CNTN5: variants seen among roughly 807,000 people sequenced by gnomAD.
CNTN5 encodes the protein contactin-5.
Under a neutral mutation model 129.1 loss-of-function variants are expected in CNTN5, and 77 were observed. The observed-to-expected ratio is 0.60, with a 90% CI of 0.50 to 0.72. The LOEUF (loss-of-function observed/expected upper bound fraction) is 0.72. CNTN5 is among the 30% of genes least tolerant of loss of function. CNTN5 has a pLI of 0.00. For missense variants in CNTN5, 1,478 were observed against 1,328.8 expected (o/e 1.11, Z -1.75); for synonymous variants, 509 against 465.6 (o/e 1.09, Z -1.20).
intron 10 of CNTN5, among the ~76,000 whole-genome samples, chr11:100,067,552 T>G (rs1054253520): frequency 3.3e-5 from 5 of 152,024 alleles, no homozygotes; most frequent in African/African-American, 4.8e-5. Flanking sequence ...ACAACATAGT[T>G]TGGTACAAAA....
chr11:99,854,403 A>G (rs1341716839), intron 6 of CNTN5, among the ~76,000 whole-genome samples: 1 of 152,194 alleles, frequency 6.6e-6, no homozygotes, highest in East Asian at 1.9e-4. Flanking sequence ...ATATGTATCC[A>G]GAGAACTCTG....
chr11:100,254,930 A>T (rs1950036659), intron 16 of CNTN5, among the ~76,000 whole-genome samples: 1 of 152,224 alleles, frequency 6.6e-6, no homozygotes, highest in African/African-American at 2.4e-5. Context: ...ATACCTGTGC[A>T]TTTTTAAAAT....
rs1453791140 is a variant in CNTN5 at position 99,234,179 on chromosome 11, G to T, written c.-209-91167G>T. 2.6e-5 allele frequency among the ~76,000 whole-genome samples: 4 copies of T among 152,192 alleles called. No homozygotes were observed. The East Asian group carries it at 7.7e-4, about 29-fold the overall frequency. ...ACTTTGAGATATTCTTTTTCATGTA[G>T]ATTTACAAATAAAAATTGCCAATAT... is the stretch of plus-strand genomic sequence containing the variant. On this transcript the variant is annotated intron_variant, in intron 1 of 24. Transcript: ENST00000524871.
chr11:99,375,681 G>C (rs948786813), intron 2 of CNTN5, among the ~76,000 whole-genome samples: 1 of 152,116 alleles, frequency 6.6e-6, no homozygotes, highest in South Asian at 2.1e-4. Context: ...ATTTGGGGTT[G>C]GCTTTTGTCT....
At chr11:99,620,497 T>C (rs1177970795) in intron 3 of CNTN5, among the ~76,000 whole-genome samples, 2 of 120,806 alleles carry the variant, frequency 1.7e-5, no homozygotes, top group African/African-American at 2.8e-5. Context: ...TTAAAACTCT[T>C]TTTTTCTTTT....
intron 3 of CNTN5, among the ~76,000 whole-genome samples, chr11:99,705,730 CAG>C (rs1338679031): frequency 2.0e-5 from 3 of 151,372 alleles, no homozygotes; most frequent in Non-Finnish European, 4.4e-5. Flanking sequence ...AGCAGGAAAA[CAG>C]AATGCAGAAA....
At chr11:100,147,428 G>A (rs189565513) in intron 13 of CNTN5, among the ~76,000 whole-genome samples, 76 of 152,020 alleles carry the variant, frequency 5.0e-4, no homozygotes, top group African/African-American at 1.8e-3. Flanking sequence ...CATGTCTCAT[G>A]GTATCTTGCC....
At chr11:99,111,150 A>G (rs533296164) in intron 1 of CNTN5, among the ~76,000 whole-genome samples, 1 of 152,150 alleles carries the variant, frequency 6.6e-6, no homozygotes, top group Non-Finnish European at 1.5e-5. Flanking sequence ...TATTATCAAT[A>G]ATTTCAATAT....
chr11:99,509,977 G>A (rs1264828911), intron 2 of CNTN5, among the ~76,000 whole-genome samples: 11 of 151,054 alleles, frequency 7.3e-5, no homozygotes, highest in East Asian at 3.9e-4. Flanking sequence ...TACAAATGTC[G>A]CTTAATCTCT....
chr11:99,841,722 G>A (rs1947499231), intron 4 of CNTN5, among the ~76,000 whole-genome samples: 2 of 150,018 alleles, frequency 1.3e-5, no homozygotes, highest in Non-Finnish European at 3.0e-5. Context: ...AATAGTCATG[G>A]TAGTAGTAAG....
chr11:99,408,585 C>T lies in CNTN5; in HGVS notation c.-71+83101C>T, dbSNP rs368559677. On this transcript the variant is annotated intron_variant, in intron 2 of 24. Coordinates refer to ENST00000524871, the MANE Select transcript of CNTN5 (RefSeq NM_014361.4). ...CTGACCGCAAGGCATCCTCCTGCCT[C>T]GGCCTCCCAAAGTGCTGAGATTAAT... Among the ~76,000 whole-genome samples the T allele has an allele frequency of 2.0e-4, 31 of 152,198 alleles. 2 individuals carry two copies. In the East Asian group the frequency reaches 5.6e-3, roughly 28 times the overall value.
At chr11:99,402,387 T>A (rs1298925535) in intron 2 of CNTN5, among the ~76,000 whole-genome samples, 1 of 152,202 alleles carries the variant, frequency 6.6e-6, no homozygotes, top group East Asian at 1.9e-4. Context: ...AATTTGCATA[T>A]GTTGAACTAT....
intron 1 of CNTN5, among the ~76,000 whole-genome samples, chr11:99,256,247 A>G (rs886235980): frequency 5.3e-5 from 8 of 152,106 alleles, no homozygotes; most frequent in African/African-American, 1.9e-4. Context: ...CTGGACATCT[A>G]GACCCTTTAT....
chr11:100,300,491 T>G (rs1305011080), intron 20 of CNTN5, among the ~76,000 whole-genome samples: 1 of 151,520 alleles, frequency 6.6e-6, no homozygotes, highest in East Asian at 1.9e-4. Flanking sequence ...CCCTTATACT[T>G]CCTCTGTGCC....
intron 9 of CNTN5, among the ~76,000 whole-genome samples, chr11:100,038,664 C>T (rs1044719213): frequency 6.6e-6 from 1 of 151,944 alleles, no homozygotes; most frequent in Non-Finnish European, 1.5e-5. Flanking sequence ...GTATTGGGTG[C>T]ATATATATTT....
At position 99,645,102 on chromosome 11, in the gene CNTN5, T is replaced by TAAAAGA. The variant is rs140819611; in HGVS notation, c.55+88833_55+88834insAAAAGA. Among the ~76,000 whole-genome samples the TAAAAGA allele has an allele frequency of 1.2e-3, 176 of 143,216 alleles. 4 individuals carry two copies. Among genetic ancestry groups the TAAAAGA allele is most frequent in the Non-Finnish European group, 1.7e-3 (112 of 65,596 alleles). The allele number at this position is 143,216 out of a possible 152,430, so 94.0% of individuals were successfully genotyped here. On this transcript the variant is annotated intron_variant, in intron 3 of 24. Transcript: ENST00000524871. ...AATATGGTGAAACTCCGTCTCTACTTTAAAAAAAAAAGCCAGGCGTGATGC... is the reference window on the plus strand; with the variant it reads ...AATATGGTGAAACTCCGTCTCTACTTAAAAGATAAAAAAAAAAGCCAGGCGTGATGC...
At chr11:99,237,437 C>T (rs146907965) in intron 1 of CNTN5, among the ~76,000 whole-genome samples, 1 of 152,256 alleles carries the variant, frequency 6.6e-6, no homozygotes, top group African/African-American at 2.4e-5. Context: ...AATCCCGACA[C>T]TGTGGGAAGC....
chr11:99,240,215 G>A (rs1022731576), intron 1 of CNTN5, among the ~76,000 whole-genome samples: 3 of 152,110 alleles, frequency 2.0e-5, no homozygotes, highest in Non-Finnish European at 4.4e-5. Flanking sequence ...GCCTGGGGTT[G>A]CCTTTAAATT....
At chr11:99,300,917 A>C (rs1864606135) in intron 1 of CNTN5, among the ~76,000 whole-genome samples, 2 of 151,946 alleles carry the variant, frequency 1.3e-5, no homozygotes, top group South Asian at 4.1e-4. Flanking sequence ...TTGTAACATT[A>C]TTGTGTAGAA....
Sources: allele counts gnomAD v4.1 joint callset (sites outside exome capture counted in the v4.1 genomes callset), GRCh38; gene constraint gnomAD v4.1.1; transcripts MANE v1.5; gene names NCBI Gene and HGNC (gene_info 2026-07-23, HGNC 2026-07-21).